PLCXD3: variants seen among roughly 807,000 people sequenced by gnomAD.
PLCXD3 encodes the protein phosphatidylinositol specific phospholipase C X domain containing 3.
PLCXD3 carries 19 observed loss-of-function variants against 25.5 expected under a neutral mutation model. The ratio of observed to expected loss-of-function variants is 0.75; its 90% CI spans 0.52 to 1.09. PLCXD3 has a LOEUF of 1.09. PLCXD3 is among the 50% of genes least tolerant of loss of function. The pLI is 0.00. For missense variants in PLCXD3, 411 were observed against 388.1 expected (o/e 1.06, Z -0.50); for synonymous variants, 174 against 137.6 (o/e 1.26, Z -1.85).
At chr5:41,344,362 G>A (rs1268360295) in intron 2 of PLCXD3, among the ~76,000 whole-genome samples, 1 of 152,084 alleles carries the variant, frequency 6.6e-6, no homozygotes, top group Non-Finnish European at 1.5e-5. Context: ...CAAATAAAAG[G>A]TAGAACTTTT....
At chr5:41,436,721 T>G (rs1338390481) in intron 1 of PLCXD3, among the ~76,000 whole-genome samples, 1 of 152,128 alleles carries the variant, frequency 6.6e-6, no homozygotes, top group Non-Finnish European at 1.5e-5. Flanking sequence ...ATCCAGAGCT[T>G]GAAGAAATCA....
chr5:41,383,561 T>G (rs888661716), intron 1 of PLCXD3, among the ~76,000 whole-genome samples: 2 of 152,120 alleles, frequency 1.3e-5, no homozygotes, highest in African/African-American at 4.8e-5. Context: ...AAAATTAAAT[T>G]AACATATTCT....
intron 1 of PLCXD3, among the ~76,000 whole-genome samples, chr5:41,454,393 A>G (rs1202948457): frequency 6.6e-6 from 1 of 151,972 alleles, no homozygotes; most frequent in Admixed American, 6.6e-5. Flanking sequence ...GTGAGGGCCT[A>G]CTTTCTGGTT....
chr5:41,478,076 A>G (rs523442), intron 1 of PLCXD3, among the ~76,000 whole-genome samples: 85,798 of 152,060 alleles, frequency 0.56, 25,815 homozygotes, highest in African/African-American at 0.79. Context: ...TTCCACCCTC[A>G]TCTCATGATA....
At chr5:41,392,733 T>A (rs1745868900) in intron 1 of PLCXD3, among the ~76,000 whole-genome samples, 1 of 151,862 alleles carries the variant, frequency 6.6e-6, no homozygotes, top group African/African-American at 2.4e-5. Flanking sequence ...CAGGGACTAA[T>A]CCTGGAGAAA....
chr5:41,426,517 C>T (rs551160586), intron 1 of PLCXD3, among the ~76,000 whole-genome samples: 9 of 151,788 alleles, frequency 5.9e-5, no homozygotes, highest in Admixed American at 6.6e-5. Flanking sequence ...AGTCTTTATC[C>T]TTCATATGTT....
chr5:41,492,482 G>T (rs1257090099), intron 1 of PLCXD3, among the ~76,000 whole-genome samples: 1 of 152,144 alleles, frequency 6.6e-6, no homozygotes, highest in Non-Finnish European at 1.5e-5. Flanking sequence ...ATGTTGGCCT[G>T]CCTTGCTAGA....
chr5:41,408,495 T>G (rs547032142), intron 1 of PLCXD3, among the ~76,000 whole-genome samples: 1 of 152,342 alleles, frequency 6.6e-6, no homozygotes, highest in South Asian at 2.1e-4. Context: ...TTTTGGGAGA[T>G]GTCACAACAC....
At chr5:41,452,314 T>C (rs761673460) in intron 1 of PLCXD3, among the ~76,000 whole-genome samples, 1 of 151,992 alleles carries the variant, frequency 6.6e-6, no homozygotes, top group Non-Finnish European at 1.5e-5. Context: ...TCAAGAAAAA[T>C]CTGTATACAT....
chr5:41,400,220 C>T (rs553684345), intron 1 of PLCXD3, among the ~76,000 whole-genome samples: 5 of 152,010 alleles, frequency 3.3e-5, no homozygotes, highest in South Asian at 2.1e-4. Context: ...GAAAAGGAAA[C>T]GCTTACACAC....
At chr5:41,372,970 G>T (rs868646012) in intron 2 of PLCXD3, among the ~76,000 whole-genome samples, 3 of 152,106 alleles carry the variant, frequency 2.0e-5, no homozygotes, top group African/African-American at 7.2e-5. Context: ...ATTGAACCTG[G>T]GAGGCGGAGG....
At chr5:41,394,332 C>A (rs1052278857) in intron 1 of PLCXD3, among the ~76,000 whole-genome samples, 2 of 151,682 alleles carry the variant, frequency 1.3e-5, no homozygotes, top group Non-Finnish European at 2.9e-5. Flanking sequence ...AAGTAAAAAG[C>A]AAGATAAACT....
intron 1 of PLCXD3, among the ~76,000 whole-genome samples, chr5:41,507,570 G>C (rs1749074240): frequency 6.6e-6 from 1 of 152,186 alleles, no homozygotes; most frequent in South Asian, 2.1e-4. Flanking sequence ...CCGGAACTGT[G>C]CTCTGGTGGG....
intron 1 of PLCXD3, among the ~76,000 whole-genome samples, chr5:41,487,074 T>G (rs1748536665): frequency 6.6e-6 from 1 of 152,184 alleles, no homozygotes; most frequent in Non-Finnish European, 1.5e-5. Context: ...AATCTAAAAT[T>G]TCTTCAAAGC....
chr5:41,307,493 G>C lies in PLCXD3; in HGVS notation c.*6124C>G, dbSNP rs1169992978. 1.3e-5 allele frequency: 2 copies of C among 152,086 alleles called. No individual in the cohort carries two copies. Among genetic ancestry groups the C allele is most frequent in the Non-Finnish European group, 2.9e-5 (2 of 67,982 alleles). 9.4% of individuals were successfully genotyped at this position (152,086 alleles called of 1,614,324 possible). A position where few individuals can be genotyped will look rare whatever the true frequency, so the allele number is the denominator to read the frequency against. On this transcript the variant is annotated 3_prime_UTR_variant, in exon 3 of 3. Transcript: ENST00000377801. ...CTGTTCTTATTTTAGGGCTTCTTGGGTTTTCAATTCCAAAAAAAAATAGTA... is the reference window on the plus strand; with the variant it reads ...CTGTTCTTATTTTAGGGCTTCTTGGCTTTTCAATTCCAAAAAAAAATAGTA...
chr5:41,496,101 G>A (rs185255655), intron 1 of PLCXD3, among the ~76,000 whole-genome samples: 2 of 152,154 alleles, frequency 1.3e-5, no homozygotes, highest in Non-Finnish European at 2.9e-5. Context: ...AGATATTCAA[G>A]AGCAGACTTG....
intron 1 of PLCXD3, among the ~76,000 whole-genome samples, chr5:41,491,416 T>A (rs150976108): frequency 6.6e-6 from 1 of 152,198 alleles, no homozygotes; most frequent in South Asian, 2.1e-4. Context: ...TTCTGTTGAT[T>A]TGAGGTGGAG....
chr5:41,390,116 T>C (rs1745764669), intron 1 of PLCXD3, among the ~76,000 whole-genome samples: 2 of 152,206 alleles, frequency 1.3e-5, no homozygotes, highest in South Asian at 4.1e-4. Context: ...TGTACTTTCT[T>C]CAGTCTGGCT....
intron 2 of PLCXD3, among the ~76,000 whole-genome samples, chr5:41,325,865 A>G (rs1326062241): frequency 1.3e-5 from 2 of 152,228 alleles, no homozygotes; most frequent in Admixed American, 6.5e-5. Flanking sequence ...TCCAAGATCA[A>G]TGTGCTAGTA....
Sources: allele counts gnomAD v4.1 joint callset (sites outside exome capture counted in the v4.1 genomes callset), GRCh38; gene constraint gnomAD v4.1.1; transcripts MANE v1.5; gene names NCBI Gene and HGNC (gene_info 2026-07-23, HGNC 2026-07-21).